The following SH3TC1 variants were observed in gnomAD, a reference collection of about 807,000 sequenced individuals.
SH3TC1 encodes the protein SH3 domain and tetratricopeptide repeat-containing protein 1.
In SH3TC1, 135 loss-of-function variants were observed where a neutral mutation model predicts 117.3. That is an observed-to-expected ratio of 1.15 (90% CI 1.00 to 1.33). SH3TC1 has a LOEUF of 1.33. Ranked by LOEUF, SH3TC1 falls within the 40% of genes most tolerant of loss-of-function variation. The pLI is 0.00. For missense variants in SH3TC1, 2,092 were observed against 1,794.3 expected, an observed-to-expected ratio of 1.17 and a Z score of -3.00; for synonymous variants, 898 against 816.9, an observed-to-expected ratio of 1.10 and a Z score of -1.69.
At chr4:8,199,553 C>T (rs115817264) in intron 1 of SH3TC1, 148 bp downstream of exon 1, 2,163 of 152,398 alleles carry the variant, frequency 0.014, 37 homozygotes, top group Non-Finnish European at 0.025. Flanking sequence ...AGCTGGGGGC[C>T]TCGGGGAGGT....
chr4:8,239,766 C>T (rs1722169781), intron 17 of SH3TC1, among the ~76,000 whole-genome samples: 1 of 152,234 alleles, frequency 6.6e-6, no homozygotes, highest in Admixed American at 6.5e-5. Context: ...CCTGGGCTTG[C>T]CTCTGCCACA....
In SH3TC1 at chr4:8,227,292, T is replaced by C. The variant is rs1720559486; in HGVS notation, c.1598T>C (p.Phe533Ser). Residue 533 changes from phenylalanine to serine, a missense_variant, in exon 12 of 18, where the codon TTC becomes TCC. Phe to Ser is a radical substitution (Grantham distance 155). Transcript: ENST00000245105. ...LPWLSSVFRS[F>S]SDEEELTGRL... ...TGGCTGAGCAGCGTGTTCCGCAGCT[T>C]CAGCGACGAGGAGGAGCTGACTGGG... 1.1e-5 allele frequency: 17 copies of C among 1,609,046 alleles called. No individual in the cohort carries two copies. Among genetic ancestry groups the C allele is most frequent in the Non-Finnish European group, 1.4e-5 (17 of 1,178,288 alleles).
At chr4:8,184,143 T>C (rs1040941752) in intron 1 of SH3TC1, among the ~76,000 whole-genome samples, 3 of 152,220 alleles carry the variant, frequency 2.0e-5, no homozygotes, top group African/African-American at 7.2e-5. Context: ...TAAGTATGCC[T>C]AGATGCAATA....
At chr4:8,199,923 C>T (rs1220685946) in intron 1 of SH3TC1, among the ~76,000 whole-genome samples, 1 of 152,234 alleles carries the variant, frequency 6.6e-6, no homozygotes, top group Admixed American at 6.5e-5. Flanking sequence ...AATGGACCAG[C>T]AACTGGACCA....
At chr4:8,234,199 C>T (rs1403655108) in intron 14 of SH3TC1, among the ~76,000 whole-genome samples, 1 of 125,734 alleles carries the variant, frequency 8.0e-6, no homozygotes, top group Non-Finnish European at 1.8e-5. Context: ...TCCATTCATC[C>T]ATCCACCATC....
At chr4:8,237,707 C>A (rs754522624) in intron 17 of SH3TC1, 37 bp downstream of exon 17, 6 of 1,552,282 alleles carry the variant, frequency 3.9e-6, no homozygotes, top group East Asian at 2.3e-5. Context: ...GTGTTCCCGG[C>A]CCCCTTGGAG....
Position 8,217,065 on chromosome 4 carries a change from G to T in SH3TC1, c.737G>T (p.Gly246Val). Residue 246 changes from glycine to valine, a missense_variant, in exon 7 of 18, where the codon GGA becomes GTA. Transcript: ENST00000245105. ...AGGCAGGCTTCGGGGGCACCCCAGG[G>T]AGAGGCGGCCCCGGAAACAGACTCT... is the stretch of plus-strand genomic sequence containing the variant. ...ALRQASGAPQ[G>V]EAAPETDSSP... The T allele has an allele frequency of 1.9e-6, 3 of 1,613,062 alleles. No individual in the cohort carries two copies. The highest frequency in any genetic ancestry group is 2.5e-6 in the Non-Finnish European group (3 of 1,179,598).
chr4:8,214,369 G>A (rs575018713), intron 4 of SH3TC1, 106 bp from the exon 5 acceptor site: 34 of 1,024,654 alleles, frequency 3.3e-5, no homozygotes, highest in South Asian at 2.5e-4. Context: ...GTCGTCCCCC[G>A]CCGGGGCCAC....
In SH3TC1 at chr4:8,232,448, G is replaced by A. The variant is rs769092986; in HGVS notation, c.3131+292G>A. 8 of 1,507,438 alleles carry A rather than the reference G, an allele frequency of 5.3e-6. No individual in the cohort carries two copies. In the South Asian group the frequency reaches 7.8e-5, roughly 15 times the overall value. The allele number at this position is 1,507,438 out of a possible 1,614,324, so 93.4% of individuals were successfully genotyped here. A position where few individuals can be genotyped will look rare whatever the true frequency, so the allele number is the denominator to read the frequency against. ...GCAGAAGCAGTTACATGCATTCTGGGCTGTTCTTCCTACCTGGTGGCTTTT... is the reference window on the plus strand; with the variant it reads ...GCAGAAGCAGTTACATGCATTCTGGACTGTTCTTCCTACCTGGTGGCTTTT... On this transcript the variant is annotated intron_variant, in intron 13 of 17. Coordinates refer to ENST00000245105, the MANE Select transcript of SH3TC1 (RefSeq NM_018986.5).
At chr4:8,201,779 G>A (rs972455879) in intron 1 of SH3TC1, 1 of 152,360 alleles carries the variant, frequency 6.6e-6, no homozygotes, top group African/African-American at 2.4e-5. Context: ...AGTACCAGCT[G>A]TGTGCCAGGC....
At position 8,216,814 on chromosome 4, in the gene SH3TC1, T is replaced by C. The variant is rs2152985979; in HGVS notation, c.629-143T>C. On this transcript the variant is annotated intron_variant, in intron 6 of 17. Coordinates refer to ENST00000245105, the MANE Select transcript of SH3TC1 (RefSeq NM_018986.5). ...GGGCCCACCTCTCCTTCTGAGCCCC[T>C]TTGGGTCTCTGTGCCTGCAGACACT... The C allele has an allele frequency of 6.4e-6, 5 of 786,226 alleles. No individual in the cohort carries two copies. The South Asian group carries it at 8.2e-5, about 13-fold the overall frequency. The allele number at this position is 786,226 out of a possible 1,614,324, so 48.7% of individuals were successfully genotyped here. A position where few individuals can be genotyped will look rare whatever the true frequency, so the allele number is the denominator to read the frequency against.
chr4:8,227,750 C>G lies in SH3TC1; in HGVS notation c.2056C>G (p.Pro686Ala). ...CCTCAAGCAGCCCGAGGAGGCCCTG[C>G]CCTTCCTAGAGCGGCTGCTGCTTTT... Reference protein sequence around the residue: ...VHLKQPEEALPFLERLLLLHR... With the variant: ...VHLKQPEEALAFLERLLLLHR... The change falls in exon 12 of 18, where the codon CCC becomes GCC. Residue 686 changes from proline to alanine, a missense_variant. By Grantham distance (27) the Pro-to-Ala change is conservative. Transcript: ENST00000245105. 1 of 1,609,966 alleles carries G rather than the reference C, an allele frequency of 6.2e-7. No homozygotes were observed. The highest frequency in any genetic ancestry group is 1.3e-5 in the African/African-American group (1 of 75,008).
Position 8,192,074 on chromosome 4 carries a change from C to T in SH3TC1, c.-57+9864C>T, listed in dbSNP as rs969015471. On this transcript the variant is annotated intron_variant, in intron 1 of 16. Transcript: ENST00000508641. This position sits in a 1 kb window ranked among gnomAD's most constrained non-coding sequence, Gnocchi z 4.1. ...GCGCGATCTCGGCTCACTGCCACCT[C>T]GGCCTCCCAGGTTCAAGTGATTCTC... Among the ~76,000 whole-genome samples, 12 of 151,972 alleles carry T rather than the reference C, an allele frequency of 7.9e-5. No individual in the cohort carries two copies. The highest frequency in any genetic ancestry group is 2.7e-4 in the African/African-American group (11 of 41,326).
Position 8,192,828 on chromosome 4 carries a change from A to C in SH3TC1, c.-57+10618A>C, listed in dbSNP as rs1717457100. Reference sequence around the variant, plus strand: ...ATTTGTTGCCTTCTCTTCTGCTCCGAGTTTAGGTTCATGTCGCCACCTGGT... The same window carrying C: ...ATTTGTTGCCTTCTCTTCTGCTCCGCGTTTAGGTTCATGTCGCCACCTGGT... On this transcript the variant is annotated intron_variant, in intron 1 of 16. Transcript: ENST00000508641. The surrounding 1 kb of genome is among the most constrained non-coding windows in gnomAD (Gnocchi z 4.1). 6.6e-6 allele frequency among the ~76,000 whole-genome samples: 1 copy of C among 151,912 alleles called. No individual in the cohort carries two copies. The highest frequency in any genetic ancestry group is 1.5e-5 in the Non-Finnish European group (1 of 68,002).
chr4:8,188,104 C>T (rs1717286519), intron 1 of SH3TC1, among the ~76,000 whole-genome samples: 1 of 152,222 alleles, frequency 6.6e-6, no homozygotes, highest in Non-Finnish European at 1.5e-5. Flanking sequence ...ATGTATTTCA[C>T]AAATATTTCA....
chr4:8,201,331 T>G (rs1717823850), intron 1 of SH3TC1: 1 of 152,270 alleles, frequency 6.6e-6, no homozygotes, highest in African/African-American at 2.4e-5. Context: ...AATTGAGGCA[T>G]GGAGAGGCCT....
At position 8,210,082 on chromosome 4, in the gene SH3TC1, C is replaced by T. The variant is rs180873466; in HGVS notation, c.247+260C>T. On this transcript the variant is annotated intron_variant, in intron 3 of 17. Coordinates refer to ENST00000245105, the MANE Select transcript of SH3TC1 (RefSeq NM_018986.5). This position sits in a 1 kb window ranked among gnomAD's most constrained non-coding sequence, Gnocchi z 4.1. ...ACGGCAGACACGGTCCTGGGGGCTC[C>T]GTGGGTGACACCCCAGGGAGGGGCT... Among the ~76,000 whole-genome samples, 7 of 152,304 alleles carry T rather than the reference C, an allele frequency of 4.6e-5. No homozygotes were observed. The East Asian group carries it at 1.4e-3, about 29-fold the overall frequency.
chr4:8,215,193 C>T (rs775352188), intron 5 of SH3TC1: 5 of 456,170 alleles, frequency 1.1e-5, no homozygotes, highest in Non-Finnish European at 2.2e-5. Flanking sequence ...AGCTGCCGTC[C>T]AGTGGCCTCA....
At chr4:8,193,856 C>T (rs1382147635) in intron 1 of SH3TC1, among the ~76,000 whole-genome samples, 2 of 152,170 alleles carry the variant, frequency 1.3e-5, no homozygotes, top group African/African-American at 2.4e-5. Context: ...GGGGCAGGTC[C>T]GGATCACCTT....
Sources: gnomAD v4.1 joint callset for allele counts (sites outside exome capture counted in the v4.1 genomes callset) on GRCh38, gnomAD v4.1.1 for gene constraint, Gnocchi (gnomAD v3.1) non-coding constraint, MANE v1.5 for transcripts, NCBI Gene and HGNC (gene_info 2026-07-23, HGNC 2026-07-21) for gene names.